The following PDE7B variants were observed in gnomAD, a reference collection of about 807,000 sequenced individuals.
The protein encoded by PDE7B is 3',5'-cyclic-AMP phosphodiesterase 7B.
A neutral mutation model predicts 56.2 loss-of-function variants in PDE7B; 29 were observed. The observed-to-expected ratio is 0.52, with a 90% CI of 0.38 to 0.70. The LOEUF (loss-of-function observed/expected upper bound fraction) is 0.70. PDE7B is among the 30% of genes least tolerant of loss of function. The pLI, the probability that PDE7B is intolerant of heterozygous loss-of-function variation, is 0.00. For synonymous variants in PDE7B, 197 were observed against 196.9 expected (o/e 1.00, Z 0.00); for missense variants, 490 against 565.0 (o/e 0.87, Z 1.35).
chr6:136,054,608 C>T (rs924155164), intron 2 of PDE7B, among the ~76,000 whole-genome samples: 20 of 152,072 alleles, frequency 1.3e-4, no homozygotes, highest in South Asian at 4.1e-4. Context: ...ATTGGTAGCT[C>T]GATGCGGATG....
At chr6:136,017,491 TC>T (rs1562470617) in intron 2 of PDE7B, among the ~76,000 whole-genome samples, 1 of 96,116 alleles carries the variant, frequency 1.0e-5, no homozygotes, top group Non-Finnish European at 2.1e-5. Flanking sequence ...TCCCTCCCCC[TC>T]CCCCCACCCC....
chr6:135,871,089 A>T (rs1404853310), intron 1 of PDE7B, among the ~76,000 whole-genome samples: 1 of 152,164 alleles, frequency 6.6e-6, no homozygotes, highest in Non-Finnish European at 1.5e-5. Flanking sequence ...TTTATACTTG[A>T]GAGTAGCACA....
At chr6:136,171,966 C>T (rs950679336) in intron 8 of PDE7B, among the ~76,000 whole-genome samples, 3 of 152,046 alleles carry the variant, frequency 2.0e-5, no homozygotes, top group African/African-American at 7.2e-5. Flanking sequence ...AGGACATGAA[C>T]TCATCATTTT....
chr6:135,852,430 G>C (rs892828243), intron 1 of PDE7B, among the ~76,000 whole-genome samples: 2 of 152,146 alleles, frequency 1.3e-5, no homozygotes, highest in African/African-American at 4.8e-5. Context: ...AAGGTTTGTG[G>C]AACAGGGAAG....
At chr6:136,007,099 T>C (rs745884736) in intron 2 of PDE7B, among the ~76,000 whole-genome samples, 1 of 152,212 alleles carries the variant, frequency 6.6e-6, no homozygotes, top group Non-Finnish European at 1.5e-5. Context: ...ACATAGTTTA[T>C]TGGGAGTTTT....
intron 2 of PDE7B, among the ~76,000 whole-genome samples, chr6:136,093,553 G>A (rs1777426428): frequency 6.6e-6 from 1 of 152,192 alleles, no homozygotes; most frequent in African/African-American, 2.4e-5. Flanking sequence ...CATGTGCCAT[G>A]ATCCATTTTC....
At chr6:136,092,257 T>C (rs1429010845) in intron 2 of PDE7B, among the ~76,000 whole-genome samples, 8 of 152,204 alleles carry the variant, frequency 5.3e-5, no homozygotes, top group Non-Finnish European at 8.8e-5. Context: ...AATTCAAACA[T>C]TAAAATCATG....
At chr6:136,037,543 C>A in intron 2 of PDE7B, 1 of 985,408 alleles carries the variant, frequency 1.0e-6, no homozygotes, top group Non-Finnish European at 1.2e-6. Context: ...GGCAAGGTGC[C>A]CCCCAACCCC....
chr6:135,895,304 T>C (rs1275899060), intron 1 of PDE7B, among the ~76,000 whole-genome samples: 6 of 152,168 alleles, frequency 3.9e-5, no homozygotes, highest in African/African-American at 1.4e-4. Context: ...TCAAAGTCAA[T>C]GTTGTTTATC....
chr6:136,189,121 A>G (rs1779183504), intron 12 of PDE7B, among the ~76,000 whole-genome samples: 1 of 150,112 alleles, frequency 6.7e-6, no homozygotes, highest in African/African-American at 2.5e-5. Flanking sequence ...TCCTGCCTCA[A>G]TCCAAAATGA....
chr6:135,958,183 G>C (rs1774832913), intron 2 of PDE7B, among the ~76,000 whole-genome samples: 1 of 152,152 alleles, frequency 6.6e-6, no homozygotes, highest in South Asian at 2.1e-4. Flanking sequence ...AGTGAGCCTA[G>C]ATCGCGCCAC....
At chr6:136,005,596 A>G (rs1355628544) in intron 2 of PDE7B, among the ~76,000 whole-genome samples, 1 of 152,254 alleles carries the variant, frequency 6.6e-6, no homozygotes, top group Non-Finnish European at 1.5e-5. Context: ...CAAAAAACAC[A>G]TGAAAAAATG....
intron 2 of PDE7B, chr6:136,046,202 C>G (rs946428614): frequency 2.0e-5 from 3 of 147,620 alleles, no homozygotes; most frequent in African/African-American, 7.5e-5. Context: ...AAGGTCACTA[C>G]AAAGAAACAT....
chr6:136,094,873 G>A (rs1777447962), intron 2 of PDE7B: 2 of 152,150 alleles, frequency 1.3e-5, no homozygotes, highest in Admixed American at 1.3e-4. Context: ...AGAACCACAG[G>A]TATAGACCTA....
At chr6:135,927,262 A>G (rs902427423) in intron 1 of PDE7B, among the ~76,000 whole-genome samples, 2 of 152,150 alleles carry the variant, frequency 1.3e-5, no homozygotes, top group African/African-American at 2.4e-5. Context: ...TTTTTGTACC[A>G]GTACCATGTT....
chr6:136,044,423 A>C lies in PDE7B; in HGVS notation c.83-64308A>C, dbSNP rs558098282. ...TTACAAATTGCCATCAGATGCATGA[A>C]TGAACATCTTTTTAGGGACAGATTA... On this transcript the variant is annotated intron_variant, in intron 2 of 12. Transcript: ENST00000308191. 3.3e-5 allele frequency: 5 copies of C among 152,338 alleles called. No individual in the cohort carries two copies. The South Asian group carries it at 6.2e-4, about 19-fold the overall frequency. The allele number at this position is 152,338 out of a possible 1,614,324, so 9.4% of individuals were successfully genotyped here.
intron 2 of PDE7B, among the ~76,000 whole-genome samples, chr6:136,080,237 A>G (rs1562488067): frequency 6.6e-6 from 1 of 152,192 alleles, no homozygotes; most frequent in East Asian, 1.9e-4. Flanking sequence ...AATTTCTTAG[A>G]ATTTATGTTC....
chr6:135,929,376 A>T (rs1161011649), intron 1 of PDE7B, among the ~76,000 whole-genome samples: 1 of 152,230 alleles, frequency 6.6e-6, no homozygotes, highest in Non-Finnish European at 1.5e-5. Flanking sequence ...TGCTGTCTAA[A>T]CATGGTATGG....
intron 1 of PDE7B, among the ~76,000 whole-genome samples, chr6:135,934,969 TTCTC>T (rs1323921133): frequency 8.5e-5 from 5 of 59,170 alleles, no homozygotes; most frequent in East Asian, 1.2e-3. Flanking sequence ...ATATATATAT[TTCTC>T]TATATATTTT....
Sources: gnomAD v4.1 joint callset for allele counts (sites outside exome capture counted in the v4.1 genomes callset) on GRCh38, gnomAD v4.1.1 for gene constraint, MANE v1.5 for transcripts, NCBI Gene and HGNC (gene_info 2026-07-23, HGNC 2026-07-21) for gene names.